Variants in WWOX observed in about 807,000 individuals in gnomAD.
WWOX encodes WW domain-containing oxidoreductase.
WWOX carries 69 observed loss-of-function variants against 46.2 expected under a neutral mutation model. That is an observed-to-expected ratio of 1.49 (90% confidence interval 1.23 to 1.82). The LOEUF (loss-of-function observed/expected upper bound fraction) is 1.82, where lower values mean the gene tolerates loss of function less well. WWOX is among the 40% of genes most tolerant of loss of function. The pLI, the probability that WWOX is intolerant of heterozygous loss-of-function variation, is 0.00. For synonymous variants in WWOX, 359 were observed against 202.6 expected, an observed-to-expected ratio of 1.77 and a Z score of -6.56; for missense variants, 919 against 542.6, an observed-to-expected ratio of 1.69 and a Z score of -6.89.
At chr16:79,085,549 A>C (rs1276674976) in intron 8 of WWOX, among the ~76,000 whole-genome samples, 3 of 152,140 alleles carry the variant, frequency 2.0e-5, no homozygotes, top group Non-Finnish European at 4.4e-5. Context: ...ATTTCTCTGG[A>C]AATGCAACTT....
chr16:79,174,111 G>T (rs1597445644), intron 8 of WWOX, among the ~76,000 whole-genome samples: 1 of 152,108 alleles, frequency 6.6e-6, no homozygotes, highest in African/African-American at 2.4e-5. Context: ...GGTTCCCATG[G>T]CTTTGTAGAG....
At chr16:79,208,631 A>C (rs937353473) in intron 8 of WWOX, among the ~76,000 whole-genome samples, 4 of 151,074 alleles carry the variant, frequency 2.6e-5, no homozygotes, top group Non-Finnish European at 5.9e-5. Context: ...TGCTCTTTAA[A>C]TTTTTTTTTT....
chr16:78,449,755 T>C (rs1166356642), intron 8 of WWOX, among the ~76,000 whole-genome samples: 2 of 152,208 alleles, frequency 1.3e-5, no homozygotes, highest in African/African-American at 4.8e-5. Flanking sequence ...TGGTAGATAA[T>C]GTATCCTAAA....
intron 8 of WWOX, among the ~76,000 whole-genome samples, chr16:79,086,045 G>C (rs527582704): frequency 6.8e-6 from 1 of 147,604 alleles, no homozygotes; most frequent in African/African-American, 2.5e-5. Context: ...GCACTTCAAC[G>C]TGGGCAACAG....
At chr16:78,138,452 G>A (rs117065822) in intron 4 of WWOX, among the ~76,000 whole-genome samples, 21 of 152,262 alleles carry the variant, frequency 1.4e-4, no homozygotes, top group Admixed American at 1.2e-3. Context: ...AAGGAGGACA[G>A]GAGTGAATCT....
intron 6 of WWOX, among the ~76,000 whole-genome samples, chr16:78,421,576 A>T (rs769928580): frequency 1.3e-5 from 2 of 152,140 alleles, no homozygotes; most frequent in African/African-American, 2.4e-5. Flanking sequence ...TATGGAAGCA[A>T]TGGGATGGGA....
chr16:79,034,592 G>C (rs1006362720), intron 8 of WWOX, among the ~76,000 whole-genome samples: 1 of 152,112 alleles, frequency 6.6e-6, no homozygotes, highest in Non-Finnish European at 1.5e-5. Context: ...TTCTGTTGTG[G>C]AGTGATTATC....
chr16:78,993,212 C>G (rs900121670), intron 8 of WWOX, among the ~76,000 whole-genome samples: 1 of 150,794 alleles, frequency 6.6e-6, no homozygotes, highest in African/African-American at 2.4e-5. Context: ...AAAGGGAAAT[C>G]AGTTTGTTTG....
intron 8 of WWOX, among the ~76,000 whole-genome samples, chr16:78,441,030 C>A (rs1337378268): frequency 6.6e-6 from 1 of 152,178 alleles, no homozygotes; most frequent in Non-Finnish European, 1.5e-5. Flanking sequence ...GCAGCCTCCG[C>A]CTCCCAGGTT....
rs907435724 is a variant in WWOX, at chr16:78,146,348, A to G, written c.410-17835A>G. Among the ~76,000 whole-genome samples, 13 of 152,244 alleles carry G rather than the reference A, an allele frequency of 8.5e-5. No homozygotes were observed. In the South Asian group the frequency reaches 1.5e-3, roughly 17 times the overall value. On this transcript the variant is annotated intron_variant, in intron 4 of 8. Coordinates refer to ENST00000566780, the MANE Select transcript of WWOX (RefSeq NM_016373.4). ...TGAATTTAAATTGATCCTAGTCACA[A>G]TGTTCACATTACCTATGTTGGGGAT...
intron 8 of WWOX, chr16:78,825,754 C>A: frequency 2.0e-5 from 12 of 588,706 alleles, no homozygotes; most frequent in Non-Finnish European, 3.5e-5. Context: ...TGATCCCCAG[C>A]GGAGACCATG....
chr16:78,826,157 C>G (rs1359331716), intron 8 of WWOX, among the ~76,000 whole-genome samples: 4 of 152,184 alleles, frequency 2.6e-5, no homozygotes, highest in Non-Finnish European at 5.9e-5. Context: ...GAGTTCAAGA[C>G]CAGTCTGGCC....
Position 78,432,650 on chromosome 16 carries a change from G to A in WWOX, c.954G>A (p.Ser318=), listed in dbSNP as rs971458936. The change falls in exon 8 of 9, where the codon TCG becomes TCA. Residue 318 remains serine, a synonymous_variant. Transcript: ENST00000566780. The part of the protein sequence containing the change: ...HRRLSPRGVT[S]NAVHPGNMMY... ...GCCTCTCCCCACGCGGGGTCACGTC[G>A]AACGCAGTGCATCCTGGAAATATGA... is the stretch of plus-strand genomic sequence containing the variant. 9.3e-6 allele frequency: 15 copies of A among 1,614,036 alleles called. No homozygotes were observed. The highest frequency in any genetic ancestry group is 1.3e-5 in the African/African-American group (1 of 74,902).
At chr16:78,463,343 G>A (rs1308417736) in intron 8 of WWOX, among the ~76,000 whole-genome samples, 2 of 152,196 alleles carry the variant, frequency 1.3e-5, no homozygotes, top group Admixed American at 1.3e-4. Flanking sequence ...TTAATGAATT[G>A]CCAGGCTGGT....
intron 8 of WWOX, among the ~76,000 whole-genome samples, chr16:78,709,704 G>A (rs1390455897): frequency 6.6e-6 from 1 of 151,142 alleles, no homozygotes; most frequent in African/African-American, 2.4e-5. Context: ...GCTTTGTGTT[G>A]GGGCCTCTTC....
chr16:78,973,961 A>G (rs1273457333), intron 8 of WWOX, among the ~76,000 whole-genome samples: 1 of 152,196 alleles, frequency 6.6e-6, no homozygotes, highest in Non-Finnish European at 1.5e-5. Context: ...TCCTACGATT[A>G]TTTCAAGGTG....
At chr16:78,372,347 C>G (rs2081711470) in intron 5 of WWOX, among the ~76,000 whole-genome samples, 3 of 152,116 alleles carry the variant, frequency 2.0e-5, no homozygotes, top group Admixed American at 2.0e-4. Context: ...GAAAGGCAGC[C>G]CATTCATGCC....
intron 8 of WWOX, among the ~76,000 whole-genome samples, chr16:78,858,192 A>G (rs1461266202): frequency 3.4e-5 from 5 of 146,052 alleles, no homozygotes; most frequent in African/African-American, 5.1e-5. Flanking sequence ...TGTGCATGAT[A>G]TAAGTTTTTA....
intron 8 of WWOX, among the ~76,000 whole-genome samples, chr16:79,120,312 C>G (rs577620660): frequency 4.6e-5 from 7 of 152,168 alleles, no homozygotes; most frequent in Non-Finnish European, 1.0e-4. Context: ...TATGCTCAAG[C>G]TATTGCTGTC....
Sources: gnomAD v4.1 joint callset for allele counts (sites outside exome capture counted in the v4.1 genomes callset) on GRCh38, gnomAD v4.1.1 for gene constraint, MANE v1.5 for transcripts, NCBI Gene and HGNC (gene_info 2026-07-23, HGNC 2026-07-21) for gene names.